Variants in TCAIM observed in about 807,000 individuals in gnomAD.
The protein encoded by TCAIM is T-cell activation inhibitor, mitochondrial.
TCAIM carries 36 observed loss-of-function variants against 58.6 expected under a neutral mutation model. That is an observed-to-expected ratio of 0.61 (90% CI 0.47 to 0.81). TCAIM has a LOEUF of 0.81. Among genes scored for constraint, TCAIM ranks in the 30% least tolerant of loss-of-function variants. TCAIM has a pLI of 0.00. For synonymous variants in TCAIM, 172 were observed against 193.6 expected (o/e 0.89, Z 0.93); for missense variants, 466 against 579.6 (o/e 0.80, Z 2.01).
chr3:44,357,699 G>A (rs1173338131), intron 2 of TCAIM, 42 bp from the exon 3 acceptor site: 6 of 1,609,432 alleles, frequency 3.7e-6, no homozygotes, highest in Non-Finnish European at 5.1e-6. Flanking sequence ...TTGTGTGTGT[G>A]TGAGTGCCTC....
At chr3:44,369,226 C>T (rs926581029) in intron 5 of TCAIM, among the ~76,000 whole-genome samples, 10 of 152,138 alleles carry the variant, frequency 6.6e-5, no homozygotes, top group African/African-American at 2.4e-4. Flanking sequence ...GGACACGGCA[C>T]ATACAACTTC....
At chr3:44,368,043 A>T (rs1701409523) in intron 5 of TCAIM, among the ~76,000 whole-genome samples, 1 of 152,188 alleles carries the variant, frequency 6.6e-6, no homozygotes, top group South Asian at 2.1e-4. Flanking sequence ...GAAAGGCTAT[A>T]CCTAAGACTA....
At position 44,358,925 on chromosome 3, in the gene TCAIM, T is replaced by C. The variant is rs377483800; in HGVS notation, c.165+1049T>C. 5.1e-6 allele frequency: 5 copies of C among 985,402 alleles called. No individual in the cohort carries two copies. The African/African-American group carries it at 7.0e-5, about 14-fold the overall frequency. 61.0% of individuals were successfully genotyped at this position (985,402 alleles called of 1,614,324 possible). On this transcript the variant is annotated intron_variant, in intron 3 of 10. Coordinates refer to ENST00000342649, the MANE Select transcript of TCAIM (RefSeq NM_173826.4). The stretch of plus-strand genomic sequence containing the variant: ...ATTCTGATTATGATATGTGATATGT[T>C]GGCTACTCAAAGTCAGAACTTTTCA...
At chr3:44,388,318 T>G (rs1279102512) in intron 5 of TCAIM, among the ~76,000 whole-genome samples, 1 of 152,194 alleles carries the variant, frequency 6.6e-6, no homozygotes, top group Non-Finnish European at 1.5e-5. Flanking sequence ...GTCAAATCTC[T>G]TTAGTCTTCT....
chr3:44,350,312 C>T (rs754233249), intron 1 of TCAIM, among the ~76,000 whole-genome samples: 3 of 152,148 alleles, frequency 2.0e-5, no homozygotes, highest in Non-Finnish European at 4.4e-5. Flanking sequence ...AAGAACCACT[C>T]ATTTTCACTT....
intron 5 of TCAIM, among the ~76,000 whole-genome samples, chr3:44,388,504 A>G (rs915331580): frequency 3.9e-5 from 6 of 152,196 alleles, no homozygotes; most frequent in African/African-American, 1.4e-4. Flanking sequence ...AGTGTATTAT[A>G]TAGGAGGCAT....
At position 44,400,451 on chromosome 3, in the gene TCAIM, T is replaced by C. The variant is rs1448172291; in HGVS notation, c.982T>C (p.Tyr328His). The change falls in exon 9 of 11, where the codon TAT becomes CAT. Residue 328 changes from tyrosine to histidine, a missense_variant. Coordinates refer to ENST00000342649, the MANE Select transcript of TCAIM (RefSeq NM_173826.4). The part of the protein sequence containing the change: ...SYLLGGIQVV[Y>H]IEELQPVLTL... ...TCTTTTAGGTGGCATACAAGTTGTT[T>C]ATATTGAAGAATTACAGCCAGTATT... is the stretch of plus-strand genomic sequence containing the variant. 6.2e-7 allele frequency: 1 copy of C among 1,613,904 alleles called. No homozygotes were observed. Among genetic ancestry groups the C allele is most frequent in the African/African-American group, 1.3e-5 (1 of 75,052 alleles).
chr3:44,345,541 T>C (rs1032577174), intron 1 of TCAIM, among the ~76,000 whole-genome samples: 2 of 152,196 alleles, frequency 1.3e-5, no homozygotes, highest in Admixed American at 6.5e-5. Context: ...CCTTTTTTTT[T>C]AGCAGTGACT....
chr3:44,347,890 G>T (rs934800104), intron 1 of TCAIM, among the ~76,000 whole-genome samples: 1 of 152,108 alleles, frequency 6.6e-6, no homozygotes, highest in Admixed American at 6.5e-5. Context: ...GGAGACACAA[G>T]GGGAGGATGT....
intron 5 of TCAIM, among the ~76,000 whole-genome samples, chr3:44,371,272 A>G (rs905709372): frequency 2.6e-5 from 4 of 151,748 alleles, no homozygotes; most frequent in African/African-American, 9.7e-5. Flanking sequence ...TGTGCAGGCT[A>G]GTCTCAAACT....
At chr3:44,371,027 A>C (rs1225178026) in intron 5 of TCAIM, among the ~76,000 whole-genome samples, 1 of 150,502 alleles carries the variant, frequency 6.6e-6, no homozygotes, top group African/African-American at 2.5e-5. Flanking sequence ...CTCCTGCCTC[A>C]GCCTCCCGAG....
intron 1 of TCAIM, among the ~76,000 whole-genome samples, chr3:44,345,141 G>C (rs139713044): frequency 6.6e-6 from 1 of 152,104 alleles, no homozygotes; most frequent in Non-Finnish European, 1.5e-5. Flanking sequence ...GGGCTGCTTC[G>C]AGCAGGATTG....
At chr3:44,398,532 C>T (rs762319161) in intron 8 of TCAIM, among the ~76,000 whole-genome samples, 7 of 151,782 alleles carry the variant, frequency 4.6e-5, no homozygotes, top group East Asian at 1.9e-4. Context: ...CACACCAGGA[C>T]GGCTAAAATG....
chr3:44,381,925 G>A (rs577681983), intron 5 of TCAIM, among the ~76,000 whole-genome samples: 73 of 152,224 alleles, frequency 4.8e-4, no homozygotes, highest in Admixed American at 9.8e-4. Flanking sequence ...CTGAAGAGAC[G>A]AAAGACTTGT....
At chr3:44,352,507 A>T (rs953252926) in intron 1 of TCAIM, among the ~76,000 whole-genome samples, 1 of 152,288 alleles carries the variant, frequency 6.6e-6, no homozygotes, top group Non-Finnish European at 1.5e-5. Context: ...GTTCACAGCA[A>T]AATTTAGCAG....
At chr3:44,382,932 AT>A (rs1388597890) in intron 5 of TCAIM, among the ~76,000 whole-genome samples, 1 of 152,220 alleles carries the variant, frequency 6.6e-6, no homozygotes, top group African/African-American at 2.4e-5. Context: ...AAGGACTTGA[AT>A]AGACATTTCT....
At chr3:44,406,896 C>A (rs769564651) in intron 10 of TCAIM, among the ~76,000 whole-genome samples, 2 of 152,144 alleles carry the variant, frequency 1.3e-5, no homozygotes, top group South Asian at 2.1e-4. Flanking sequence ...TAGACCTGAA[C>A]TGAAGCCCCT....
chr3:44,342,926 C>G (rs1182243344), intron 1 of TCAIM, among the ~76,000 whole-genome samples: 1 of 151,952 alleles, frequency 6.6e-6, no homozygotes, highest in East Asian at 1.9e-4. Context: ...CAGCTGAGGT[C>G]AGGAGTTCGA....
chr3:44,405,008 A>G (rs376694179), intron 10 of TCAIM, among the ~76,000 whole-genome samples: 7 of 152,072 alleles, frequency 4.6e-5, no homozygotes, highest in African/African-American at 1.7e-4. Flanking sequence ...CTAAGCTAGT[A>G]TGTACAACCC....
Sources: gnomAD v4.1 joint callset for allele counts (sites outside exome capture counted in the v4.1 genomes callset) on GRCh38, gnomAD v4.1.1 for gene constraint, MANE v1.5 for transcripts, NCBI Gene and HGNC (gene_info 2026-07-23, HGNC 2026-07-21) for gene names.